The following CHCHD3 variants were observed in gnomAD, a reference collection of about 807,000 sequenced individuals.
CHCHD3 encodes coiled-coil-helix-coiled-coil-helix domain containing 3, also known as MICOS complex subunit MIC19.
In CHCHD3, 20 loss-of-function variants were observed where a neutral mutation model predicts 38.2. The observed-to-expected ratio is 0.52, with a 90% CI of 0.37 to 0.76. The LOEUF (loss-of-function observed/expected upper bound fraction) is 0.76, where lower values mean the gene tolerates loss of function less well. Among genes scored for constraint, CHCHD3 ranks in the 30% least tolerant of loss-of-function variants. The pLI is 0.00. For missense variants in CHCHD3, 245 were observed against 279.2 expected (o/e 0.88, Z 0.87); for synonymous variants, 82 against 100.0 (o/e 0.82, Z 1.07).
At chr7:132,844,329 T>G (rs1233850861) in intron 5 of CHCHD3, among the ~76,000 whole-genome samples, 1 of 152,136 alleles carries the variant, frequency 6.6e-6, no homozygotes, top group Non-Finnish European at 1.5e-5. Context: ...GAAAGAAAGA[T>G]GTCCATGATC....
At chr7:132,888,816 C>T (rs1368721087) in intron 4 of CHCHD3, among the ~76,000 whole-genome samples, 2 of 151,836 alleles carry the variant, frequency 1.3e-5, no homozygotes, top group Admixed American at 6.6e-5. Context: ...AAAAAAAACA[C>T]GTCATAAAAT....
chr7:132,822,809 C>T (rs139869533), intron 6 of CHCHD3, among the ~76,000 whole-genome samples: 63 of 150,886 alleles, frequency 4.2e-4, no homozygotes, highest in African/African-American at 1.4e-3. Flanking sequence ...GCCCCCACCG[C>T]GCCCCCCACC....
intron 5 of CHCHD3, among the ~76,000 whole-genome samples, chr7:132,863,266 T>A (rs1357418513): frequency 6.6e-6 from 1 of 152,212 alleles, no homozygotes; most frequent in Non-Finnish European, 1.5e-5. Context: ...TTAGCAGGCA[T>A]GAAATTATTA....
At chr7:132,874,621 T>C (rs1808851766) in intron 5 of CHCHD3, among the ~76,000 whole-genome samples, 1 of 152,218 alleles carries the variant, frequency 6.6e-6, no homozygotes, top group Admixed American at 6.5e-5. Context: ...TACTGAAACC[T>C]GCGCCTGGTT....
chr7:132,816,955 C>T (rs1807215289), intron 6 of CHCHD3, among the ~76,000 whole-genome samples: 1 of 152,174 alleles, frequency 6.6e-6, no homozygotes, highest in African/African-American at 2.4e-5. Context: ...AAAAAAAACC[C>T]TGGAATATCA....
chr7:133,062,538 C>T (rs1242157292), intron 2 of CHCHD3, among the ~76,000 whole-genome samples: 2 of 152,124 alleles, frequency 1.3e-5, no homozygotes, highest in Non-Finnish European at 2.9e-5. Context: ...AATAACAACA[C>T]TTGTTCTGTG....
At chr7:132,999,760 T>C (rs1210291111) in intron 3 of CHCHD3, among the ~76,000 whole-genome samples, 1 of 152,118 alleles carries the variant, frequency 6.6e-6, no homozygotes, top group Admixed American at 6.6e-5. Context: ...TTTTCTAATG[T>C]CTAAACTTTC....
intron 2 of CHCHD3, among the ~76,000 whole-genome samples, chr7:133,037,712 C>G (rs13244564): frequency 3.3e-5 from 5 of 152,134 alleles, no homozygotes; most frequent in Admixed American, 2.6e-4. Flanking sequence ...ACTAGGGAGG[C>G]TGAGGCAGGA....
chr7:133,045,308 C>T (rs565907233), intron 2 of CHCHD3, among the ~76,000 whole-genome samples: 6 of 151,948 alleles, frequency 3.9e-5, no homozygotes, highest in African/African-American at 1.2e-4. Context: ...ATAAAACAAA[C>T]CTTTTCAGGC....
intron 5 of CHCHD3, among the ~76,000 whole-genome samples, chr7:132,868,332 G>A (rs1475230730): frequency 6.6e-6 from 1 of 152,096 alleles, no homozygotes; most frequent in African/African-American, 2.4e-5. Flanking sequence ...ATTGCTTGAT[G>A]ACTTAAAGAC....
At chr7:132,917,136 T>C (rs1810126703) in intron 4 of CHCHD3, among the ~76,000 whole-genome samples, 1 of 152,198 alleles carries the variant, frequency 6.6e-6, no homozygotes, top group African/African-American at 2.4e-5. Flanking sequence ...TGGCAGAACT[T>C]TGGACCCTGC....
rs116945814 is a variant in CHCHD3 at position 132,968,262 on chromosome 7, G to A, written c.369+6907C>T. Among the ~76,000 whole-genome samples, 1,287 of 152,256 alleles carry A rather than the reference G, an allele frequency of 8.5e-3. 10 individuals are homozygous for A. Among genetic ancestry groups the A allele is most frequent in the South Asian group, 0.066 (317 of 4,824 alleles). On this transcript the variant is annotated intron_variant, in intron 4 of 7. Transcript: ENST00000262570. ...ACCCTGCTAAATCCAAATGCACAGG[G>A]GGCTCCCACCTGTCGTGAGGGATGC...
chr7:132,861,268 A>G (rs2117132941), intron 5 of CHCHD3, among the ~76,000 whole-genome samples: 1 of 152,244 alleles, frequency 6.6e-6, no homozygotes, highest in Non-Finnish European at 1.5e-5. Flanking sequence ...AGCACTCAGG[A>G]CCGCTACCTC....
chr7:132,984,400 T>G (rs1426703818), intron 3 of CHCHD3, among the ~76,000 whole-genome samples: 2 of 151,344 alleles, frequency 1.3e-5, no homozygotes, highest in East Asian at 3.9e-4. Context: ...AGTGGCGTGA[T>G]CTCGGCTCGC....
chr7:133,005,869 G>A (rs760481815), intron 3 of CHCHD3, among the ~76,000 whole-genome samples: 15 of 152,072 alleles, frequency 9.9e-5, no homozygotes, highest in East Asian at 3.9e-4. Flanking sequence ...TCACATTTAC[G>A]CCAGATCTGC....
chr7:132,959,932 G>C (rs1267138105), intron 4 of CHCHD3, among the ~76,000 whole-genome samples: 2 of 152,024 alleles, frequency 1.3e-5, no homozygotes, highest in Non-Finnish European at 2.9e-5. Context: ...ATTCTGGAAA[G>C]AGAACAAGCC....
At chr7:132,970,763 G>T (rs1454135047) in intron 4 of CHCHD3, among the ~76,000 whole-genome samples, 1 of 150,874 alleles carries the variant, frequency 6.6e-6, no homozygotes, top group Non-Finnish European at 1.5e-5. Context: ...TTAACATTTA[G>T]ATTTAAAAAA....
intron 3 of CHCHD3, among the ~76,000 whole-genome samples, chr7:132,989,300 CT>C (rs1448231342): frequency 1.3e-5 from 2 of 152,100 alleles, no homozygotes; most frequent in African/African-American, 4.8e-5. Flanking sequence ...GGTTTCCTTC[CT>C]TTCCAAAGGA....
chr7:133,013,433 G>A (rs1163064921), intron 3 of CHCHD3, among the ~76,000 whole-genome samples: 1 of 152,140 alleles, frequency 6.6e-6, no homozygotes, highest in Non-Finnish European at 1.5e-5. Context: ...GTCAGAACCT[G>A]CCCCATAGGG....
Sources: gnomAD v4.1 joint callset for allele counts (sites outside exome capture counted in the v4.1 genomes callset) on GRCh38, gnomAD v4.1.1 for gene constraint, MANE v1.5 for transcripts, NCBI Gene and HGNC (gene_info 2026-07-23, HGNC 2026-07-21) for gene names.